Variants in MC4R observed in about 807,000 individuals in gnomAD.
MC4R encodes melanocortin 4 receptor.
Under a neutral mutation model 16.1 loss-of-function variants are expected in MC4R, and 15 were observed. The observed-to-expected ratio is 0.93, with a 90% confidence interval of 0.62 to 1.44. The LOEUF (loss-of-function observed/expected upper bound fraction) is 1.44, where lower values mean the gene tolerates loss of function less well. Ranked by LOEUF, MC4R falls within the 40% of genes most tolerant of loss-of-function variation. The pLI, the probability that MC4R is intolerant of heterozygous loss-of-function variation, is 0.00. For missense variants in MC4R, 416 were observed against 411.4 expected (o/e 1.01, Z -0.10); for synonymous variants, 162 against 151.7 (o/e 1.07, Z -0.50).
Position 60,371,783 on chromosome 18 carries a change from A to G in MC4R, c.567T>C (p.Asp189=), listed in dbSNP as rs748042240. The part of the protein sequence containing the change: ...VSGILFIIYS[D]SSAVIICLIT... ...TGAGGCAGATGATGACAGCACTACT[A>G]TCTGAGTAAATGATGAACAAAATGC... Residue 189 remains aspartate (D), a synonymous_variant, in exon 1 of 1, where the codon GAT becomes GAC. Transcript: ENST00000299766. 15 of 1,614,080 alleles carry G rather than the reference A, an allele frequency of 9.3e-6. No individual in the cohort carries two copies. The highest frequency in any genetic ancestry group is 8.0e-5 in the African/African-American group (6 of 74,936).
At position 60,371,854 on chromosome 18, in the gene MC4R, C is replaced by T. The variant is rs942758928; in HGVS notation, c.496G>A (p.Val166Ile). The change falls in exon 1 of 1, where the codon GTT becomes ATT. Residue 166 changes from valine (V) to isoleucine (I), a missense_variant. Transcript: ENST00000299766. ...CAGATACAACTTATGATGATCCCAA[C>T]CCGCTTAACTGTCATAATGTTATGG... The part of the protein sequence containing the change: ...QYHNIMTVKR[V>I]GIIISCIWAA... 23 of 1,614,128 alleles carry T rather than the reference C, an allele frequency of 1.4e-5. No individual in the cohort carries two copies. In the East Asian group the frequency reaches 2.2e-4, roughly 16 times the overall value.
Position 60,371,294 on chromosome 18 carries a change from G to C in MC4R, c.*57C>G. 1 of 1,538,862 alleles carries C rather than the reference G, an allele frequency of 6.5e-7. No individual in the cohort carries two copies. The highest frequency in any genetic ancestry group is 9.0e-7 in the Non-Finnish European group (1 of 1,113,838). On this transcript the variant is annotated 3_prime_UTR_variant, in exon 1 of 1. Coordinates refer to ENST00000299766, the MANE Select transcript of MC4R (RefSeq NM_005912.3). ...GTTGCAGAAGTACAATATTCAGGTA[G>C]GGTAAGAGTGAAAAAGTCTCTTATG...
In MC4R at chr18:60,372,363, T is replaced by G. The variant is rs1433315760; in HGVS notation, c.-14A>C. 1 of 1,613,770 alleles carries G rather than the reference T, an allele frequency of 6.2e-7. No homozygotes were observed. Among genetic ancestry groups the G allele is most frequent in the East Asian group, 2.2e-5 (1 of 44,868 alleles). On this transcript the variant is annotated 5_prime_UTR_variant, in exon 1 of 1. Coordinates refer to ENST00000299766, the MANE Select transcript of MC4R (RefSeq NM_005912.3). Reference sequence around the variant, plus strand: ...GGAGTTCACCATGCTGGCAGGAGAATTCCAGTGTCCCCCTGAATTGATTTA... The same window carrying G: ...GGAGTTCACCATGCTGGCAGGAGAAGTCCAGTGTCCCCCTGAATTGATTTA...
chr18:60,372,439 G>T lies in MC4R; in HGVS notation c.-90C>A. 1 of 1,450,598 alleles carries T rather than the reference G, an allele frequency of 6.9e-7. No individual in the cohort carries two copies. Among genetic ancestry groups the T allele is most frequent in the Non-Finnish European group, 9.5e-7 (1 of 1,050,806 alleles). 89.9% of individuals were successfully genotyped at this position (1,450,598 alleles called of 1,614,324 possible). A position where few individuals can be genotyped will look rare whatever the true frequency, so the allele number is the denominator to read the frequency against. On this transcript the variant is annotated 5_prime_UTR_variant, in exon 1 of 1. Transcript: ENST00000299766. ...AGTTATTTCCTCCAAGTCTTTATCT[G>T]TCTGAAAGTTGTGAGGCTAAAATTG...
Position 60,372,274 on chromosome 18 carries a change from T to C in MC4R, c.76A>G (p.Asn26Asp), listed in dbSNP as rs1375424360. Residue 26 changes from asparagine to aspartate, a missense_variant, in exon 1 of 1, where the codon AAT (asparagine) becomes GAT (aspartate). By Grantham distance (23) the Asn-to-Asp change is conservative. Transcript: ENST00000299766. ...CCTTTTCCAAGGGACTCACTGGCAT[T>C]GCTGTGCAGTCTGTAACTGCTGCGG... Reference protein sequence around the residue: ...WNRSSYRLHSNASESLGKGYS... With the variant: ...WNRSSYRLHSDASESLGKGYS... 3 of 1,614,104 alleles carry C rather than the reference T, an allele frequency of 1.9e-6. No individual in the cohort carries two copies. The highest frequency in any genetic ancestry group is 2.5e-6 in the Non-Finnish European group (3 of 1,180,034).
chr18:60,372,009 G>A lies in MC4R; in HGVS notation c.341C>T (p.Ala114Val), dbSNP rs1915355681. Residue 114 changes from alanine to valine, a missense_variant, in exon 1 of 1, where the codon GCA (alanine) becomes GTA (valine). Physicochemically the swap from Ala to Val is moderately conservative, Grantham distance 64 (BLOSUM62 0). Coordinates refer to ENST00000299766, the MANE Select transcript of MC4R (RefSeq NM_005912.3). The part of the protein sequence containing the change: ...ITLLNSTDTD[A>V]QSFTVNIDNV... ...ATCAATATTCACTGTGAAACTCTGT[G>A]CATCCGTATCTGTACTGTTTAATAG... is the stretch of plus-strand genomic sequence containing the variant. 3 of 1,614,012 alleles carry A rather than the reference G, an allele frequency of 1.9e-6. No individual in the cohort carries two copies. The highest frequency in any genetic ancestry group is 1.3e-5 in the African/African-American group (1 of 74,912).
Position 60,371,572 on chromosome 18 carries a change from G to C in MC4R, c.778C>G (p.Pro260Ala), listed in dbSNP as rs752660087. 3 of 1,614,108 alleles carry C rather than the reference G, an allele frequency of 1.9e-6. No homozygotes were observed. In the African/African-American group the frequency reaches 4.0e-5, roughly 22 times the overall value. The change falls in exon 1 of 1, where the codon CCA becomes GCA. Residue 260 changes from proline to alanine, a missense_variant. Pro to Ala is a conservative substitution (Grantham distance 27). Transcript: ENST00000299766. ...LIGVFVVCWA[P>A]FFLHLIFYIS... ...TAGAATATTAAGTGGAGGAAGAATGGGGCCCAGCAGACAACAAAGACGCCA... is the reference window on the plus strand; with the variant it reads ...TAGAATATTAAGTGGAGGAAGAATGCGGCCCAGCAGACAACAAAGACGCCA...
At position 60,371,531 on chromosome 18, in the gene MC4R, C is replaced by A. The variant is rs760380326; in HGVS notation, c.819G>T (p.Gln273His). 1 of 1,614,162 alleles carries A rather than the reference C, an allele frequency of 6.2e-7. No individual in the cohort carries two copies. The highest frequency in any genetic ancestry group is 1.1e-5 in the South Asian group (1 of 91,084). ...LHLIFYISCP[Q>H]NPYCVCFMSH... Reference sequence around the variant, plus strand: ...ACATGAAGCACACACAATATGGATTCTGAGGACAAGAGATGTAGAATATTA... The same window carrying A: ...ACATGAAGCACACACAATATGGATTATGAGGACAAGAGATGTAGAATATTA... Residue 273 changes from glutamine to histidine, a missense_variant, in exon 1 of 1, where the codon CAG becomes CAT. Gln to His is a conservative substitution (Grantham distance 24). Transcript: ENST00000299766.
Position 60,371,339 on chromosome 18 carries a change from C to T in MC4R, c.*12G>A, listed in dbSNP as rs1915331604. 1.9e-6 allele frequency: 3 copies of T among 1,613,944 alleles called. No individual in the cohort carries two copies. Among genetic ancestry groups the T allele is most frequent in the African/African-American group, 1.3e-5 (1 of 75,044 alleles). ...CTTATGCATGTTCCTATATTGCGTGCTCTGTCCCCATTTAATATCTGCTAG... is the reference window on the plus strand; with the variant it reads ...CTTATGCATGTTCCTATATTGCGTGTTCTGTCCCCATTTAATATCTGCTAG... On this transcript the variant is annotated 3_prime_UTR_variant, in exon 1 of 1. Coordinates refer to ENST00000299766, the MANE Select transcript of MC4R (RefSeq NM_005912.3).
In MC4R at chr18:60,371,711, G is replaced by A; in HGVS notation, c.639C>T (p.Val213=). The A allele has an allele frequency of 6.2e-7, 1 of 1,614,174 alleles. No individual in the cohort carries two copies. The highest frequency in any genetic ancestry group is 2.2e-5 in the East Asian group (1 of 44,884). ...GAAGCCTGGCCATCAGGAACATGTG[G>A]ACATAGAGAGAAGCCATGAGAGCCA... ...TMLALMASLY[V]HMFLMARLHI... is the part of the protein sequence containing the mutation. The change falls in exon 1 of 1, where the codon GTC becomes GTT. Residue 213 remains valine (V), a synonymous_variant. Coordinates refer to ENST00000299766, the MANE Select transcript of MC4R (RefSeq NM_005912.3).
chr18:60,371,364 G>C lies in MC4R; in HGVS notation c.986C>G (p.Ser329Cys). Residue 329 changes from serine (S) to cysteine (C), a missense_variant, in exon 1 of 1, where the codon TCT (serine) becomes TGT (cysteine). Ser to Cys is a moderately radical substitution (Grantham distance 112, BLOSUM62 -1). Transcript: ENST00000299766. Reference sequence around the variant, plus strand: ...CTCTGTCCCCATTTAATATCTGCTAGACAAGTCACAAAGGCCTCCCAGGGG... The same window carrying C: ...CTCTGTCCCCATTTAATATCTGCTACACAAGTCACAAAGGCCTCCCAGGGG... ...CYPLGGLCDL[S>C]SRY 1 of 1,614,116 alleles carries C rather than the reference G, an allele frequency of 6.2e-7. No homozygotes were observed. The highest frequency in any genetic ancestry group is 1.1e-5 in the South Asian group (1 of 91,064).
At position 60,372,330 on chromosome 18, in the gene MC4R, C is replaced by T. The variant is rs142837166; in HGVS notation, c.20G>A (p.Arg7His). The change falls in exon 1 of 1, where the codon CGT (arginine) becomes CAT (histidine). Residue 7 changes from arginine (R) to histidine (H), a missense_variant. Arg to His is a conservative substitution (Grantham distance 29). Coordinates refer to ENST00000299766, the MANE Select transcript of MC4R (RefSeq NM_005912.3). ...GAGGTGCAGAGAAGTGTGCATCCCA[C>T]GGTGGGTGGAGTTCACCATGCTGGC... MVNSTH[R>H]GMHTSLHLWN... is the part of the protein sequence containing the mutation. 80 of 1,614,036 alleles carry T rather than the reference C, an allele frequency of 5.0e-5. No individual in the cohort carries two copies. Among genetic ancestry groups the T allele is most frequent in the African/African-American group, 3.6e-4 (27 of 74,926 alleles).
rs1915369651 is a variant in MC4R at position 60,372,373 on chromosome 18, CCCCTGAATTGATTTAACCT to C, written c.-43_-25del. On this transcript the variant is annotated 5_prime_UTR_variant, in exon 1 of 1. Transcript: ENST00000299766. ...ATGCTGGCAGGAGAATTCCAGTGTC[CCCCTGAATTGATTTAACCT>C]CCTGGGTCAGGGAGTCGTCTCAGTT... 1.9e-6 allele frequency: 3 copies of C among 1,612,948 alleles called. No individual in the cohort carries two copies. The highest frequency in any genetic ancestry group is 2.2e-5 in the South Asian group (2 of 90,944).
Position 60,372,620 on chromosome 18 carries a change from A to T in MC4R, c.-271T>A. On this transcript the variant is annotated 5_prime_UTR_variant, in exon 1 of 1. The change abolishes the stop of an existing upstream ORF in the 5' untranslated region. Coordinates refer to ENST00000299766, the MANE Select transcript of MC4R (RefSeq NM_005912.3). ...GTCTGCTCTTTGCTTTCTTGTTCTC[A>T]CTTCTGCTTTAACTTTAATCTTATG... is the stretch of plus-strand genomic sequence containing the variant. 1 of 516,258 alleles carries T rather than the reference A, an allele frequency of 1.9e-6. No individual in the cohort carries two copies. Among genetic ancestry groups the T allele is most frequent in the Non-Finnish European group, 3.6e-6 (1 of 275,952 alleles). The allele number at this position is 516,258 out of a possible 1,614,324, so 32.0% of individuals were successfully genotyped here.
chr18:60,372,527 T>G lies in MC4R; in HGVS notation c.-178A>C, dbSNP rs34114122. ...TTGACATGGAGTTTTTAGTCTCTTT[T>G]AGGTACGACTCTAATCATCATCACT... is the stretch of plus-strand genomic sequence containing the variant. On this transcript the variant is annotated 5_prime_UTR_variant, in exon 1 of 1. Transcript: ENST00000299766. 0.026 allele frequency: 17,462 copies of G among 676,096 alleles called. 565 individuals carry two copies. The highest frequency in any genetic ancestry group is 0.12 in the African/African-American group (6,665 of 55,752). The allele number at this position is 676,096 out of a possible 1,614,324, so 41.9% of individuals were successfully genotyped here.
rs778685158 is a variant in MC4R, at chr18:60,371,401, T to C, written c.949A>G (p.Ile317Val). ...AGGCCTCCCAGGGGATAGCAACAGA[T>C]GATCTCTTTGAAGGTTTTCCTCAGT... ...QELRKTFKEI[I>V]CCYPLGGLCD... Residue 317 changes from isoleucine (I) to valine (V), a missense_variant, in exon 1 of 1, where the codon ATC becomes GTC. Ile to Val is a conservative substitution (Grantham distance 29). Transcript: ENST00000299766. 35 of 1,614,110 alleles carry C rather than the reference T, an allele frequency of 2.2e-5. No individual in the cohort carries two copies. The highest frequency in any genetic ancestry group is 2.9e-5 in the Non-Finnish European group (34 of 1,180,030).
chr18:60,371,232 A>T lies in MC4R; in HGVS notation c.*119T>A. ...TCATAGGCTTAAATTTACACAATGG[A>T]TATTCTCAACCAGTACCCTACACGG... is the stretch of plus-strand genomic sequence containing the variant. On this transcript the variant is annotated 3_prime_UTR_variant, in exon 1 of 1. Coordinates refer to ENST00000299766, the MANE Select transcript of MC4R (RefSeq NM_005912.3). The T allele has an allele frequency of 9.6e-7, 1 of 1,044,290 alleles. No homozygotes were observed. Among genetic ancestry groups the T allele is most frequent in the Non-Finnish European group, 1.5e-6 (1 of 677,050 alleles). The allele number at this position is 1,044,290 out of a possible 1,614,324, so 64.7% of individuals were successfully genotyped here. A position where few individuals can be genotyped will look rare whatever the true frequency, so the allele number is the denominator to read the frequency against.
At position 60,372,100 on chromosome 18, in the gene MC4R, A is replaced by C; in HGVS notation, c.250T>G (p.Cys84Gly). Reference sequence around the variant, plus strand: ...AGCATATCAGCCACAGCCAAGCTGCAGATGAAAAAGTACATGGGTGAATGC... The same window carrying C: ...AGCATATCAGCCACAGCCAAGCTGCCGATGAAAAAGTACATGGGTGAATGC... The part of the protein sequence containing the change: ...NLHSPMYFFI[C>G]SLAVADMLVS... The change falls in exon 1 of 1, where the codon TGC (cysteine) becomes GGC (glycine). Residue 84 changes from cysteine (C) to glycine (G), a missense_variant. Physicochemically the swap from Cys to Gly is radical, Grantham distance 159 (BLOSUM62 -3). Transcript: ENST00000299766. The C allele has an allele frequency of 6.2e-7, 1 of 1,614,276 alleles. No homozygotes were observed. The highest frequency in any genetic ancestry group is 1.1e-5 in the South Asian group (1 of 91,088).
rs754899496 is a variant in MC4R at position 60,371,474 on chromosome 18, CATG to C, written c.873_875del (p.Ile291del). ...TCAGAGGATCGATGATTGAATTACA[CATG>C]ATCAGTATGAGATACAAGTTAAAGT... On this transcript the variant is annotated inframe_deletion, in exon 1 of 1. Transcript: ENST00000299766. 8.7e-6 allele frequency: 14 copies of C among 1,614,028 alleles called. No individual in the cohort carries two copies.
Sources: allele counts gnomAD v4.1 joint callset, GRCh38; gene constraint gnomAD v4.1.1; transcripts MANE v1.5; gene names NCBI Gene and HGNC (gene_info 2026-07-23, HGNC 2026-07-21).